The following CDH13 variants were observed in gnomAD, a reference collection of about 807,000 sequenced individuals.
CDH13 encodes cadherin 13.
In CDH13, 24 loss-of-function variants were observed where a neutral mutation model predicts 63.8. The ratio of observed to expected loss-of-function variants is 0.38; its 90% CI spans 0.27 to 0.53. CDH13 has a LOEUF of 0.53. CDH13 is among the 20% of genes least tolerant of loss of function. The pLI, the probability that CDH13 is intolerant of heterozygous loss-of-function variation, is 0.85. For synonymous variants in CDH13, 503 were observed against 355.3 expected, an observed-to-expected ratio of 1.42 and a Z score of -4.67; for missense variants, 1,049 against 903.1, an observed-to-expected ratio of 1.16 and a Z score of -2.07.
At chr16:83,365,399 T>C (rs964385009) in intron 6 of CDH13, among the ~76,000 whole-genome samples, 4 of 152,204 alleles carry the variant, frequency 2.6e-5, no homozygotes, top group Non-Finnish European at 5.9e-5. Flanking sequence ...ATAATTCAAA[T>C]GGTAATCTCT....
chr16:83,101,264 T>C (rs979985405), intron 3 of CDH13, among the ~76,000 whole-genome samples: 14 of 150,510 alleles, frequency 9.3e-5, no homozygotes, highest in African/African-American at 3.4e-4. Context: ...TACTTATGTA[T>C]ACATATACAT....
chr16:83,481,666 C>G (rs13336590), intron 6 of CDH13, among the ~76,000 whole-genome samples: 14 of 152,194 alleles, frequency 9.2e-5, no homozygotes, highest in Admixed American at 7.2e-4. Flanking sequence ...GACTTTCAAC[C>G]AGGAACCTGG....
intron 2 of CDH13, among the ~76,000 whole-genome samples, chr16:82,915,419 G>A (rs964049088): frequency 1.3e-5 from 2 of 152,178 alleles, no homozygotes; most frequent in Non-Finnish European, 2.9e-5. Flanking sequence ...AAACTGTAAC[G>A]AAGGTATCTT....
intron 11 of CDH13, among the ~76,000 whole-genome samples, chr16:83,757,500 C>G (rs1410101395): frequency 6.6e-6 from 1 of 152,124 alleles, no homozygotes; most frequent in African/African-American, 2.4e-5. Context: ...ATCGCTTGAA[C>G]CCAGGAGGCG....
chr16:82,860,706 C>A (rs1456004975), intron 2 of CDH13, among the ~76,000 whole-genome samples: 1 of 151,448 alleles, frequency 6.6e-6, no homozygotes, highest in African/African-American at 2.4e-5. Context: ...AAGCAATGAA[C>A]ATATTATGAG....
chr16:83,366,705 C>T (rs2091264118), intron 6 of CDH13, among the ~76,000 whole-genome samples: 1 of 152,128 alleles, frequency 6.6e-6, no homozygotes, highest in African/African-American at 2.4e-5. Flanking sequence ...TATGATAGGT[C>T]CCTTAATGTA....
At chr16:82,677,765 A>G (rs750227794) in intron 1 of CDH13, among the ~76,000 whole-genome samples, 2 of 152,200 alleles carry the variant, frequency 1.3e-5, no homozygotes, top group Non-Finnish European at 2.9e-5. Context: ...TTTCAGTTCT[A>G]CAATCTACAT....
chr16:82,786,976 A>C (rs2036046802), intron 1 of CDH13, among the ~76,000 whole-genome samples: 1 of 152,122 alleles, frequency 6.6e-6, no homozygotes, highest in African/African-American at 2.4e-5. Context: ...AACGCTTCTA[A>C]ATTAACAGGA....
chr16:82,686,583 T>G (rs1403350837), intron 1 of CDH13, among the ~76,000 whole-genome samples: 2 of 152,230 alleles, frequency 1.3e-5, no homozygotes, highest in African/African-American at 2.4e-5. Flanking sequence ...AGTCCATTAT[T>G]TAATCACTCT....
intron 1 of CDH13, among the ~76,000 whole-genome samples, chr16:82,786,941 C>G (rs1163740534): frequency 1.3e-5 from 2 of 152,144 alleles, no homozygotes; most frequent in East Asian, 3.8e-4. Context: ...AGCAAGGAAG[C>G]ATCCTCTACT....
At position 83,153,823 on chromosome 16, in the gene CDH13, T is replaced by C. The variant is rs573275669; in HGVS notation, c.483+28322T>C. On this transcript the variant is annotated intron_variant, in intron 4 of 13. Transcript: ENST00000567109. Reference sequence around the variant, plus strand: ...AGCCACTCACTTTGTGGCATTTCGGTTTTTTGTGGTAGGCCTAGGAAACTA... The same window carrying C: ...AGCCACTCACTTTGTGGCATTTCGGCTTTTTGTGGTAGGCCTAGGAAACTA... 3.3e-5 allele frequency among the ~76,000 whole-genome samples: 5 copies of C among 152,220 alleles called. 1 individual carries two copies. Among genetic ancestry groups the C allele is most frequent in the African/African-American group, 1.2e-4 (5 of 41,548 alleles).
At chr16:82,952,468 CA>C (rs1263771217) in intron 2 of CDH13, among the ~76,000 whole-genome samples, 1 of 152,176 alleles carries the variant, frequency 6.6e-6, no homozygotes, top group East Asian at 1.9e-4. Context: ...TTGCCTAGAG[CA>C]GTGATGGCTC....
Position 83,169,655 on chromosome 16 carries a change from C to T in CDH13, c.483+44154C>T, listed in dbSNP as rs145248163. Among the ~76,000 whole-genome samples, 818 of 151,764 alleles carry T rather than the reference C, an allele frequency of 5.4e-3. 8 individuals are homozygous for T. Among genetic ancestry groups the T allele is most frequent in the African/African-American group, 0.019 (777 of 41,382 alleles). ...GGTGTTAATGGCTTCCCTATTGATT[C>T]ATAAAGGCCCACTACTTATTGTGGA... On this transcript the variant is annotated intron_variant, in intron 4 of 13. Coordinates refer to ENST00000567109, the MANE Select transcript of CDH13 (RefSeq NM_001257.5).
At chr16:83,065,764 G>A (rs1231862837) in intron 3 of CDH13, among the ~76,000 whole-genome samples, 2 of 150,666 alleles carry the variant, frequency 1.3e-5, no homozygotes, top group Non-Finnish European at 3.0e-5. Context: ...TTAGGTTCTC[G>A]CTCTTTGGAT....
intron 1 of CDH13, among the ~76,000 whole-genome samples, chr16:82,646,648 G>A (rs1387152507): frequency 1.3e-5 from 2 of 152,170 alleles, no homozygotes; most frequent in African/African-American, 4.8e-5. Context: ...TGGGTTGTGA[G>A]CGATGCTTTC....
At chr16:83,126,219 G>C (rs571466335) in intron 4 of CDH13, among the ~76,000 whole-genome samples, 1 of 152,268 alleles carries the variant, frequency 6.6e-6, no homozygotes, top group African/African-American at 2.4e-5. Context: ...CTGCGGAAGG[G>C]TGCTGCTTGT....
intron 4 of CDH13, among the ~76,000 whole-genome samples, chr16:83,131,433 G>A (rs1211917727): frequency 1.3e-5 from 2 of 152,164 alleles, no homozygotes; most frequent in Non-Finnish European, 2.9e-5. Context: ...TGAGTGCTCT[G>A]GAGAGGAACA....
At position 82,868,320 on chromosome 16, in the gene CDH13, A is replaced by G. The variant is rs983709143; in HGVS notation, c.157+9847A>G. ...CTCAGTAGAAATGTTATGCTTTCAC[A>G]GGTTTTCCCTTCCCTCCTACCAATC... is the stretch of plus-strand genomic sequence containing the variant. On this transcript the variant is annotated intron_variant, in intron 2 of 13. Transcript: ENST00000567109. 1.2e-4 allele frequency among the ~76,000 whole-genome samples: 19 copies of G among 152,208 alleles called. 1 individual carries two copies. The highest frequency in any genetic ancestry group is 4.4e-5 in the Non-Finnish European group (3 of 68,038).
rs1051787302 is a variant in CDH13, at chr16:83,795,931, G to C, written c.*901G>C. ...TACAACTGCACCTGTCATCATGGAGGTCATACATGCATACAAAGAGGTGTA... is the reference window on the plus strand; with the variant it reads ...TACAACTGCACCTGTCATCATGGAGCTCATACATGCATACAAAGAGGTGTA... On this transcript the variant is annotated 3_prime_UTR_variant, in exon 14 of 14. Transcript: ENST00000567109. The C allele has an allele frequency of 6.6e-6, 1 of 152,558 alleles. No homozygotes were observed. The highest frequency in any genetic ancestry group is 1.5e-5 in the Non-Finnish European group (1 of 68,030). 9.5% of individuals were successfully genotyped at this position (152,558 alleles called of 1,614,324 possible). A position where few individuals can be genotyped will look rare whatever the true frequency, so the allele number is the denominator to read the frequency against.
Sources: gnomAD v4.1 joint callset for allele counts (sites outside exome capture counted in the v4.1 genomes callset) on GRCh38, gnomAD v4.1.1 for gene constraint, MANE v1.5 for transcripts, NCBI Gene and HGNC (gene_info 2026-07-23, HGNC 2026-07-21) for gene names.